The following SYN3 variants were observed in gnomAD, a reference collection of about 807,000 sequenced individuals.
SYN3 encodes synapsin-3.
In SYN3, 35 loss-of-function variants were observed where a neutral mutation model predicts 65.8. The ratio of observed to expected loss-of-function variants is 0.53; its 90% CI spans 0.41 to 0.70. The LOEUF (loss-of-function observed/expected upper bound fraction) is 0.70. Among genes scored for constraint, SYN3 ranks in the 30% least tolerant of loss-of-function variants. The pLI, the probability that SYN3 is intolerant of heterozygous loss-of-function variation, is 0.00. For synonymous variants in SYN3, 270 were observed against 292.9 expected (o/e 0.92, Z 0.80); for missense variants, 680 against 749.0 (o/e 0.91, Z 1.08).
rs1376217371 is a variant in SYN3 at position 32,513,835 on chromosome 22, A to G, written c.1611-11T>C. The G allele has an allele frequency of 6.2e-7, 1 of 1,614,000 alleles. No individual in the cohort carries two copies. Among genetic ancestry groups the G allele is most frequent in the Non-Finnish European group, 8.5e-7 (1 of 1,179,946 alleles). On this transcript the variant is annotated splice_polypyrimidine_tract_variant and intron_variant, in intron 13 of 13. Transcript: ENST00000358763. Reference sequence around the variant, plus strand: ...AGGGACTGAGATTTGCTGAAACAGAAAGGCAAGGGGGTTGAGGAAGACAAG... The same window carrying G: ...AGGGACTGAGATTTGCTGAAACAGAGAGGCAAGGGGGTTGAGGAAGACAAG...
chr22:33,032,318 G>A (rs1210570230), intron 1 of SYN3, among the ~76,000 whole-genome samples: 2 of 151,954 alleles, frequency 1.3e-5, no homozygotes, highest in African/African-American at 4.8e-5. Flanking sequence ...GACCAGCCTG[G>A]CCAACATGGC....
At chr22:32,881,140 G>C (rs1423526239) in intron 4 of SYN3, among the ~76,000 whole-genome samples, 1 of 152,242 alleles carries the variant, frequency 6.6e-6, no homozygotes, top group Non-Finnish European at 1.5e-5. Flanking sequence ...ATTCATCGGA[G>C]AGATAAGGCA....
chr22:32,638,765 G>T (rs766920058), intron 6 of SYN3, among the ~76,000 whole-genome samples: 11 of 152,148 alleles, frequency 7.2e-5, no homozygotes, highest in Non-Finnish European at 1.5e-4. Flanking sequence ...TCTGTAAGTT[G>T]TCTGTTTACT....
chr22:32,899,075 T>C (rs549065001), intron 4 of SYN3, among the ~76,000 whole-genome samples: 6 of 101,024 alleles, frequency 5.9e-5, no homozygotes, highest in Non-Finnish European at 1.3e-4. Flanking sequence ...GCACTCCAGC[T>C]TGGCGACAGA....
chr22:32,517,976 G>C, intron 13 of SYN3, 67 bp downstream of exon 13: 1 of 1,389,332 alleles, frequency 7.2e-7, no homozygotes, highest in Non-Finnish European at 9.4e-7. Flanking sequence ...CCCTAACCCT[G>C]AATCAGCCAA....
intron 3 of SYN3, among the ~76,000 whole-genome samples, chr22:32,972,697 G>A (rs1002442011): frequency 2.6e-5 from 4 of 152,136 alleles, no homozygotes; most frequent in African/African-American, 9.7e-5. Context: ...TAGCCTCAGT[G>A]GAAGCACAGG....
chr22:32,954,895 C>T (rs1041075808), intron 3 of SYN3, among the ~76,000 whole-genome samples: 1 of 149,008 alleles, frequency 6.7e-6, no homozygotes, highest in Non-Finnish European at 1.5e-5. Context: ...ATGAGAGGAA[C>T]ATCTTGTTCA....
chr22:33,004,560 C>A (rs1243454678), intron 2 of SYN3, among the ~76,000 whole-genome samples: 1 of 152,202 alleles, frequency 6.6e-6, no homozygotes, highest in Non-Finnish European at 1.5e-5. Context: ...TTAATTACTG[C>A]CTCACTAGAT....
At chr22:32,737,170 T>C (rs542335238) in intron 6 of SYN3, among the ~76,000 whole-genome samples, 5 of 152,332 alleles carry the variant, frequency 3.3e-5, no homozygotes, top group African/African-American at 9.6e-5. Flanking sequence ...GTCAGCTCAG[T>C]CTTATAGACT....
chr22:32,830,858 C>T (rs1175470189), intron 6 of SYN3, among the ~76,000 whole-genome samples: 5 of 152,172 alleles, frequency 3.3e-5, no homozygotes, highest in East Asian at 1.9e-4. Context: ...TGATGGTCTT[C>T]GCTGGCACGT....
chr22:32,553,939 C>A (rs1169074236), intron 7 of SYN3, among the ~76,000 whole-genome samples: 1 of 152,166 alleles, frequency 6.6e-6, no homozygotes, highest in Non-Finnish European at 1.5e-5. Flanking sequence ...CATGGGGGAG[C>A]AGCAGCTGAA....
chr22:32,588,161 A>G (rs1189520862), intron 7 of SYN3, among the ~76,000 whole-genome samples: 1 of 152,136 alleles, frequency 6.6e-6, no homozygotes, highest in Non-Finnish European at 1.5e-5. Flanking sequence ...TCTCATCTCT[A>G]AAGAATGGAA....
Position 33,047,260 on chromosome 22 carries a change from C to G in SYN3, c.-163+11032G>C, listed in dbSNP as rs572988944. On this transcript the variant is annotated intron_variant, in intron 1 of 13. Transcript: ENST00000358763. ...AGGGTAACCTTATCTGTACTAGTCA[C>G]CAATACATCCCCAGCACTTAGAATC... Among the ~76,000 whole-genome samples, 92 of 152,252 alleles carry G rather than the reference C, an allele frequency of 6.0e-4. 1 individual carries two copies. The Middle Eastern group carries it at 0.014, about 23-fold the overall frequency.
intron 4 of SYN3, among the ~76,000 whole-genome samples, chr22:32,884,111 G>A (rs1394864945): frequency 1.3e-5 from 2 of 152,204 alleles, no homozygotes; most frequent in Non-Finnish European, 2.9e-5. Context: ...CAGCTACCAT[G>A]TAAAACAAAG....
chr22:32,869,330 TTCTCTCTCTC>T lies in SYN3; in HGVS notation c.462-215_462-206del, dbSNP rs59752570. Among the ~76,000 whole-genome samples, 758 of 121,030 alleles carry T rather than the reference TTCTCTCTCTC, an allele frequency of 6.3e-3. 7 individuals carry two copies. The highest frequency in any genetic ancestry group is 0.023 in the Middle Eastern group (5 of 222). 79.4% of individuals were successfully genotyped at this position (121,030 alleles called of 152,430 possible). ...CAAAGGGCTGGAAACACTATATATA[TTCTCTCTCTC>T]TCTCTCTCTCTCTCTCTCTCTCTCT... is the stretch of plus-strand genomic sequence containing the variant. On this transcript the variant is annotated intron_variant, in intron 4 of 13. Transcript: ENST00000358763.
intron 6 of SYN3, among the ~76,000 whole-genome samples, chr22:32,812,190 G>C (rs891959102): frequency 5.9e-5 from 9 of 152,178 alleles, no homozygotes. Flanking sequence ...CTGGCTCTAA[G>C]TTCCCTTGGA....
chr22:32,553,089 C>A (rs1462500329), intron 7 of SYN3, among the ~76,000 whole-genome samples: 1 of 152,078 alleles, frequency 6.6e-6, no homozygotes, highest in Non-Finnish European at 1.5e-5. Context: ...CTTATAAGGA[C>A]CCTCATCCCA....
rs748520069 is a variant in SYN3, at chr22:32,869,126, C to T, written c.462-1G>A. ...GATGAAGTCTGGCTTGAAGGATCTG[C>T]TGAGAAAGCCAACAGCAGTGTTACC... On this transcript the variant is annotated splice_acceptor_variant, in intron 4 of 13. Transcript: ENST00000358763. LOFTEE classifies it high-confidence loss of function. The T allele has an allele frequency of 1.9e-6, 3 of 1,612,616 alleles. No individual in the cohort carries two copies. The highest frequency in any genetic ancestry group is 1.3e-5 in the African/African-American group (1 of 74,890).
intron 6 of SYN3, among the ~76,000 whole-genome samples, chr22:32,856,431 A>G (rs1299280493): frequency 6.6e-6 from 1 of 152,094 alleles, no homozygotes; most frequent in Non-Finnish European, 1.5e-5. Context: ...TAGATCAGTG[A>G]CCGGCCACTG....
Sources: allele counts gnomAD v4.1 joint callset (sites outside exome capture counted in the v4.1 genomes callset), GRCh38; gene constraint gnomAD v4.1.1; transcripts MANE v1.5; gene names NCBI Gene and HGNC (gene_info 2026-07-23, HGNC 2026-07-21).